The following EXOC6B variants were observed in gnomAD, a reference collection of about 807,000 sequenced individuals.
The protein encoded by EXOC6B is SEC15 homolog B.
Under a neutral mutation model 113.5 loss-of-function variants are expected in EXOC6B, and 54 were observed. That is an observed-to-expected ratio of 0.48 (90% CI 0.38 to 0.60). The LOEUF is 0.60. Among genes scored for constraint, EXOC6B ranks in the 20% least tolerant of loss-of-function variants. EXOC6B has a pLI of 0.00. For synonymous variants in EXOC6B, 357 were observed against 339.0 expected (o/e 1.05, Z -0.58); for missense variants, 797 against 977.5 (o/e 0.82, Z 2.46).
At chr2:72,696,294 A>G (rs1305397095) in intron 6 of EXOC6B, among the ~76,000 whole-genome samples, 5 of 152,242 alleles carry the variant, frequency 3.3e-5, no homozygotes, top group Middle Eastern at 3.2e-3. Context: ...AAATGGCCTT[A>G]AAATATTCCT....
intron 7 of EXOC6B, among the ~76,000 whole-genome samples, chr2:72,566,881 T>A (rs1704209573): frequency 6.6e-6 from 1 of 152,058 alleles, no homozygotes; most frequent in African/African-American, 2.4e-5. Flanking sequence ...TGATATGGAA[T>A]AATTTTCAAA....
At position 72,236,469 on chromosome 2, in the gene EXOC6B, G is replaced by A. The variant is rs1350008326; in HGVS notation, c.2197-52282C>T. Among the ~76,000 whole-genome samples the A allele has an allele frequency of 2.6e-5, 4 of 152,062 alleles. 1 individual carries two copies. The South Asian group carries it at 8.3e-4, about 31-fold the overall frequency. On this transcript the variant is annotated intron_variant, in intron 20 of 21. Transcript: ENST00000272427. ...GATTTCCAAAATCGCCAAATATTTG[G>A]TTTTTAGGTACAATGTAATTTTCAA...
At chr2:72,653,262 T>C (rs1239805048) in intron 6 of EXOC6B, among the ~76,000 whole-genome samples, 5 of 150,562 alleles carry the variant, frequency 3.3e-5, no homozygotes, top group Admixed American at 6.6e-5. Context: ...TGTAGGGACA[T>C]GGATGAAATT....
chr2:72,454,816 G>A (rs925534158), intron 18 of EXOC6B, among the ~76,000 whole-genome samples: 1 of 152,114 alleles, frequency 6.6e-6, no homozygotes, highest in Non-Finnish European at 1.5e-5. Context: ...AAAGTTCTAA[G>A]TAATAGCTCA....
intron 1 of EXOC6B, among the ~76,000 whole-genome samples, chr2:72,787,184 G>A (rs552332685): frequency 2.6e-5 from 4 of 151,454 alleles, no homozygotes; most frequent in South Asian, 4.2e-4. Flanking sequence ...CAATCCCCAG[G>A]GTTTTATTTT....
chr2:72,310,869 A>ACG (rs1480065153), intron 20 of EXOC6B, among the ~76,000 whole-genome samples: 1 of 136,794 alleles, frequency 7.3e-6, no homozygotes, highest in Non-Finnish European at 1.5e-5. Context: ...ACACACACAC[A>ACG]CACACACACA....
At chr2:72,373,955 T>C (rs1396223566) in intron 19 of EXOC6B, among the ~76,000 whole-genome samples, 1 of 152,140 alleles carries the variant, frequency 6.6e-6, no homozygotes, top group Non-Finnish European at 1.5e-5. Context: ...ACTCCATCTC[T>C]GCTAAAAAAT....
At chr2:72,574,884 G>C (rs1704736456) in intron 7 of EXOC6B, among the ~76,000 whole-genome samples, 1 of 152,056 alleles carries the variant, frequency 6.6e-6, no homozygotes, top group African/African-American at 2.4e-5. Context: ...TAACAACAAA[G>C]AAAGATAGAA....
intron 19 of EXOC6B, among the ~76,000 whole-genome samples, chr2:72,341,208 A>AG (rs576507363): frequency 6.6e-6 from 1 of 152,180 alleles, no homozygotes; most frequent in African/African-American, 2.4e-5. Flanking sequence ...CGAGAAAGAC[A>AG]GGGGGCTGTA....
At chr2:72,704,375 G>A (rs1265035835) in intron 6 of EXOC6B, among the ~76,000 whole-genome samples, 3 of 150,760 alleles carry the variant, frequency 2.0e-5, no homozygotes, top group African/African-American at 7.3e-5. Flanking sequence ...AGAGGAAGCA[G>A]GAAAGATCCA....
At chr2:72,230,131 A>G (rs528910294) in intron 20 of EXOC6B, among the ~76,000 whole-genome samples, 1 of 152,188 alleles carries the variant, frequency 6.6e-6, no homozygotes, top group Non-Finnish European at 1.5e-5. Flanking sequence ...TTGATTAACT[A>G]TGGTCAGTGC....
intron 1 of EXOC6B, among the ~76,000 whole-genome samples, chr2:72,814,993 A>AAAAAT (rs1033296990): frequency 6.6e-6 from 1 of 152,256 alleles, no homozygotes; most frequent in East Asian, 1.9e-4. Context: ...TCCGTCTCAA[A>AAAAAT]AAAATAAAAT....
chr2:72,668,982 G>A (rs1675590397), intron 6 of EXOC6B, among the ~76,000 whole-genome samples: 1 of 152,106 alleles, frequency 6.6e-6, no homozygotes, highest in African/African-American at 2.4e-5. Context: ...AGCCACTTGG[G>A]AGTCTGAAAC....
At chr2:72,596,369 A>G (rs531953174) in intron 6 of EXOC6B, among the ~76,000 whole-genome samples, 1 of 152,262 alleles carries the variant, frequency 6.6e-6, no homozygotes, top group East Asian at 1.9e-4. Flanking sequence ...TAAATGATAC[A>G]TAATTACTGG....
intron 6 of EXOC6B, among the ~76,000 whole-genome samples, chr2:72,681,418 C>G (rs1676695038): frequency 6.6e-6 from 1 of 152,106 alleles, no homozygotes; most frequent in Non-Finnish European, 1.5e-5. Flanking sequence ...GGTTTTAAGT[C>G]TTAGATGGCA....
At chr2:72,269,832 T>C (rs1019285670) in intron 20 of EXOC6B, among the ~76,000 whole-genome samples, 13 of 152,136 alleles carry the variant, frequency 8.5e-5, no homozygotes, top group African/African-American at 2.9e-4. Flanking sequence ...TAGATTTGTC[T>C]AGCACACAGG....
At chr2:72,513,032 T>TATA in intron 11 of EXOC6B, 100 bp downstream of exon 11, 2 of 1,348,904 alleles carry the variant, frequency 1.5e-6, no homozygotes, top group Non-Finnish European at 2.0e-6. Context: ...TCCAAGTGAG[T>TATA]GATTCCAAAG....
At chr2:72,304,972 A>G (rs915900006) in intron 20 of EXOC6B, among the ~76,000 whole-genome samples, 2 of 152,208 alleles carry the variant, frequency 1.3e-5, no homozygotes, top group African/African-American at 2.4e-5. Context: ...CAGACATATC[A>G]TACATCTAAA....
intron 21 of EXOC6B, among the ~76,000 whole-genome samples, chr2:72,181,363 G>A (rs1218779682): frequency 6.6e-6 from 1 of 152,182 alleles, no homozygotes; most frequent in Non-Finnish European, 1.5e-5. Context: ...AAGTGACTGC[G>A]CTAGTTGAAG....
Sources: allele counts gnomAD v4.1 joint callset (sites outside exome capture counted in the v4.1 genomes callset), GRCh38; gene constraint gnomAD v4.1.1; transcripts MANE v1.5; gene names NCBI Gene and HGNC (gene_info 2026-07-23, HGNC 2026-07-21).